The following SP3 variants were observed in gnomAD, a reference collection of about 807,000 sequenced individuals.
The protein encoded by SP3 is transcription factor Sp3.
A neutral mutation model predicts 70.3 loss-of-function variants in SP3; 10 were observed. That is an observed-to-expected ratio of 0.14 (90% CI 0.09 to 0.24). The LOEUF (loss-of-function observed/expected upper bound fraction) is 0.24. Among genes scored for constraint, SP3 ranks in the 10% least tolerant of loss-of-function variants. The pLI, the probability that SP3 is intolerant of heterozygous loss-of-function variation, is 1.00. For missense variants in SP3, 825 were observed against 914.6 expected, an observed-to-expected ratio of 0.90 and a Z score of 1.26; for synonymous variants, 402 against 333.5, an observed-to-expected ratio of 1.21 and a Z score of -2.24.
Position 173,909,901 on chromosome 2 carries a change from G to A in SP3, c.*40C>T. 1 of 1,580,362 alleles carries A rather than the reference G, an allele frequency of 6.3e-7. No individual in the cohort carries two copies. Among genetic ancestry groups the A allele is most frequent in the Non-Finnish European group, 8.7e-7 (1 of 1,153,010 alleles). Reference sequence around the variant, plus strand: ...TAGGAACAATATTCTTCTCACTACTGTATAAAAATAACCACAATGAATAAG... The same window carrying A: ...TAGGAACAATATTCTTCTCACTACTATATAAAAATAACCACAATGAATAAG... On this transcript the variant is annotated 3_prime_UTR_variant, in exon 7 of 7. Coordinates refer to ENST00000310015, the MANE Select transcript of SP3 (RefSeq NM_003111.5).
At chr2:173,915,516 G>T (rs1293752261) in intron 5 of SP3, 1 of 152,120 alleles carries the variant, frequency 6.6e-6, no homozygotes, top group Non-Finnish European at 1.5e-5. Context: ...ATTCTTGAGT[G>T]TCTAAACTTG....
At chr2:173,938,954 T>C (rs991431391) in intron 4 of SP3, among the ~76,000 whole-genome samples, 1 of 152,168 alleles carries the variant, frequency 6.6e-6, no homozygotes, top group Non-Finnish European at 1.5e-5. Context: ...TTATCACAAC[T>C]GCCTGGGGTA....
chr2:173,917,716 T>C (rs1186775893), intron 5 of SP3, among the ~76,000 whole-genome samples: 1 of 152,100 alleles, frequency 6.6e-6, no homozygotes. Flanking sequence ...TAGAGTTCTA[T>C]CCGTTTTTGC....
At chr2:173,939,168 T>C (rs1318527536) in intron 4 of SP3, among the ~76,000 whole-genome samples, 1 of 152,182 alleles carries the variant, frequency 6.6e-6, no homozygotes, top group African/African-American at 2.4e-5. Context: ...GTATCTGGCA[T>C]GCACAGCAAG....
At chr2:173,910,431 T>A (rs1032571631) in intron 6 of SP3, among the ~76,000 whole-genome samples, 174 bp from the exon 7 acceptor site, 1 of 152,164 alleles carries the variant, frequency 6.6e-6, no homozygotes, top group African/African-American at 2.4e-5. Context: ...TACAGAATAT[T>A]TCTCCTTAAA....
chr2:173,918,258 T>C (rs1215520141), intron 5 of SP3, among the ~76,000 whole-genome samples: 1 of 152,122 alleles, frequency 6.6e-6, no homozygotes, highest in Non-Finnish European at 1.5e-5. Context: ...GTAACTACTA[T>C]TCTCAACCTA....
chr2:173,952,169 T>C lies in SP3; in HGVS notation c.1639+2704A>G, dbSNP rs147109011. On this transcript the variant is annotated intron_variant, in intron 4 of 6. Coordinates refer to ENST00000310015, the MANE Select transcript of SP3 (RefSeq NM_003111.5). ...TTAATCTCAAGACCACAGTTTATCA[T>C]TCTTTCAAGTAAAAACAGTATTTGA... Among the ~76,000 whole-genome samples the C allele has an allele frequency of 3.5e-3, 531 of 151,960 alleles. 1 individual carries two copies. The highest frequency in any genetic ancestry group is 5.7e-3 in the Non-Finnish European group (390 of 67,972).
At chr2:173,932,996 C>G (rs902726664) in intron 4 of SP3, among the ~76,000 whole-genome samples, 3 of 151,828 alleles carry the variant, frequency 2.0e-5, no homozygotes, top group African/African-American at 7.3e-5. Flanking sequence ...GTCTCAAAAA[C>G]AAAAATAAAA....
chr2:173,954,786 T>A (rs1690823792), intron 4 of SP3, 87 bp downstream of exon 4: 1 of 1,158,712 alleles, frequency 8.6e-7, no homozygotes, highest in African/African-American at 1.5e-5. Context: ...AATGTGAGTC[T>A]GATGCTGATA....
At chr2:173,964,375 G>GA in intron 2 of SP3, 30 bp downstream of exon 2, 1 of 679,050 alleles carries the variant, frequency 1.5e-6, no homozygotes, top group South Asian at 1.5e-5. Context: ...CGCGAGGGGG[G>GA]AGCCGGGCCG....
chr2:173,955,998 C>G lies in SP3; in HGVS notation c.514G>C (p.Val172Leu), dbSNP rs1353583771. 1 of 1,614,092 alleles carries G rather than the reference C, an allele frequency of 6.2e-7. No homozygotes were observed. The highest frequency in any genetic ancestry group is 2.2e-5 in the East Asian group (1 of 44,902). The change falls in exon 4 of 7, where the codon GTG becomes CTG. Residue 172 changes from valine (V) to leucine (L), a missense_variant. This residue lies in a region of SP3 where 678 missense variants were observed against 651.6 expected (regional missense o/e 1.04). Transcript: ENST00000310015. Reference sequence around the variant, plus strand: ...TCTGCTGACTGGATCTGTGGTATCACTTGATATTGAACACTGGACACTGTA... The same window carrying G: ...TCTGCTGACTGGATCTGTGGTATCAGTTGATATTGAACACTGGACACTGTA... ...NGTVSSVQYQ[V>L]IPQIQSADGQ...
intron 4 of SP3, among the ~76,000 whole-genome samples, chr2:173,919,487 T>A (rs1002757722): frequency 6.6e-6 from 1 of 152,204 alleles, no homozygotes; most frequent in African/African-American, 2.4e-5. Context: ...CACTTTTTTT[T>A]ACTGTGCTGT....
intron 4 of SP3, among the ~76,000 whole-genome samples, chr2:173,925,057 T>C (rs1011245169): frequency 2.6e-5 from 4 of 152,134 alleles, no homozygotes; most frequent in Admixed American, 6.5e-5. Context: ...CCGGCTAATT[T>C]CTGTATTTTT....
In SP3 at chr2:173,902,671, T is replaced by A. The variant is rs1488314453; in HGVS notation, c.*7270A>T. 6.6e-6 allele frequency among the ~76,000 whole-genome samples: 1 copy of A among 152,196 alleles called. No individual in the cohort carries two copies. The highest frequency in any genetic ancestry group is 1.5e-5 in the Non-Finnish European group (1 of 68,038). On this transcript the variant is annotated 3_prime_UTR_variant, in exon 7 of 7. Transcript: ENST00000310015. Reference sequence around the variant, plus strand: ...AGAGAAAGATGGTAGTGTGGATACATCTCAAAAACATGAGTGGTAAAACAA... The same window carrying A: ...AGAGAAAGATGGTAGTGTGGATACAACTCAAAAACATGAGTGGTAAAACAA...
At chr2:173,920,212 T>C (rs1689714770) in intron 4 of SP3, among the ~76,000 whole-genome samples, 3 of 151,892 alleles carry the variant, frequency 2.0e-5, no homozygotes, top group African/African-American at 2.4e-5. Context: ...ATATGACACG[T>C]TGGAAAAGGC....
chr2:173,965,287 C>T lies in SP3; in HGVS notation c.-116G>A, dbSNP rs1232292313. 7 of 1,256,622 alleles carry T rather than the reference C, an allele frequency of 5.6e-6. No homozygotes were observed. Among genetic ancestry groups the T allele is most frequent in the Non-Finnish European group, 7.8e-6 (7 of 894,762 alleles). 77.8% of individuals were successfully genotyped at this position (1,256,622 alleles called of 1,614,324 possible). A position where few individuals can be genotyped will look rare whatever the true frequency, so the allele number is the denominator to read the frequency against. On this transcript the variant is annotated 5_prime_UTR_variant, in exon 1 of 7. Coordinates refer to ENST00000310015, the MANE Select transcript of SP3 (RefSeq NM_003111.5). ...CGGCGGCGGACACGGCCGGAGCGGT[C>T]CGGGGATTTTTTTTTCCTATTTTGA...
chr2:173,954,181 T>C (rs1690804716), intron 4 of SP3, among the ~76,000 whole-genome samples: 1 of 152,178 alleles, frequency 6.6e-6, no homozygotes, highest in African/African-American at 2.4e-5. Flanking sequence ...ATTAATAGGG[T>C]AAAAATGACA....
intron 6 of SP3, among the ~76,000 whole-genome samples, chr2:173,910,596 C>T (rs1039521965): frequency 3.3e-5 from 5 of 152,156 alleles, no homozygotes; most frequent in South Asian, 2.1e-4. Context: ...ATCTATAACA[C>T]ACTTTAAAGT....
chr2:173,910,941 G>A (rs1394746517), intron 6 of SP3, among the ~76,000 whole-genome samples: 3 of 152,094 alleles, frequency 2.0e-5, no homozygotes, highest in Non-Finnish European at 4.4e-5. Flanking sequence ...GTTGAAGACC[G>A]ACTCTGCAAG....
Sources: allele counts gnomAD v4.1 joint callset (sites outside exome capture counted in the v4.1 genomes callset), GRCh38; gene constraint gnomAD v4.1.1; regional missense constraint gnomAD v4.1.1; transcripts MANE v1.5; gene names NCBI Gene and HGNC (gene_info 2026-07-23, HGNC 2026-07-21).